Variants in ASTN2 observed in about 807,000 individuals in gnomAD.
ASTN2 encodes astrotactin-2.
ASTN2 carries 54 observed loss-of-function variants against 139.8 expected under a neutral mutation model. The observed-to-expected ratio is 0.39, with a 90% CI of 0.31 to 0.48. The LOEUF (loss-of-function observed/expected upper bound fraction) is 0.48, where lower values mean the gene tolerates loss of function less well. Among genes scored for constraint, ASTN2 ranks in the 20% least tolerant of loss-of-function variants. ASTN2 has a pLI of 0.95. For synonymous variants in ASTN2, 756 were observed against 719.5 expected, an observed-to-expected ratio of 1.05 and a Z score of -0.81; for missense variants, 1,565 against 1,725.1, an observed-to-expected ratio of 0.91 and a Z score of 1.64.
chr9:116,697,322 C>T (rs1330969954), intron 16 of ASTN2: 6 of 223,134 alleles, frequency 2.7e-5, no homozygotes, highest in Non-Finnish European at 5.5e-5. Flanking sequence ...TGTTACTTAG[C>T]CCTTATAATA....
At chr9:117,411,282 G>A (rs1315345020) in intron 1 of ASTN2, among the ~76,000 whole-genome samples, 1 of 152,048 alleles carries the variant, frequency 6.6e-6, no homozygotes, top group Non-Finnish European at 1.5e-5. Flanking sequence ...ATCACTTTCA[G>A]GGAGATTCAC....
chr9:117,003,953 C>CGCGTGT (rs1218309835), intron 7 of ASTN2, among the ~76,000 whole-genome samples: 2 of 146,288 alleles, frequency 1.4e-5, no homozygotes, highest in African/African-American at 5.2e-5. Flanking sequence ...CGCGCGCGCG[C>CGCGTGT]GTGTGTGTGT....
At chr9:117,238,261 T>C (rs1442407421) in intron 2 of ASTN2, among the ~76,000 whole-genome samples, 1 of 152,124 alleles carries the variant, frequency 6.6e-6, no homozygotes, top group Admixed American at 6.5e-5. Context: ...GCCATGGGTG[T>C]CTACAGCCAC....
chr9:117,210,326 A>G (rs1488092111), intron 3 of ASTN2, among the ~76,000 whole-genome samples: 1 of 152,122 alleles, frequency 6.6e-6, no homozygotes, highest in African/African-American at 2.4e-5. Context: ...AGGAGAGAAC[A>G]CTCACATAAA....
intron 13 of ASTN2, among the ~76,000 whole-genome samples, chr9:116,769,941 G>T (rs993462474): frequency 1.4e-4 from 22 of 151,910 alleles, no homozygotes; most frequent in Admixed American, 9.2e-4. Context: ...AGCTACTTGG[G>T]AGGCTGAAGA....
At chr9:116,488,638 C>G (rs1849413962) in intron 19 of ASTN2, among the ~76,000 whole-genome samples, 2 of 152,028 alleles carry the variant, frequency 1.3e-5, no homozygotes, top group African/African-American at 2.4e-5. Flanking sequence ...ATATTTATGA[C>G]ATAATGTGAA....
intron 6 of ASTN2, among the ~76,000 whole-genome samples, chr9:117,023,689 CAATG>C (rs1837963018): frequency 6.6e-6 from 1 of 151,992 alleles, no homozygotes; most frequent in Non-Finnish European, 1.5e-5. Context: ...AATATTTGTT[CAATG>C]AATGAATAAA....
intron 2 of ASTN2, among the ~76,000 whole-genome samples, chr9:117,224,317 C>T (rs763283177): frequency 1.8e-4 from 28 of 152,114 alleles, no homozygotes; most frequent in Non-Finnish European, 2.6e-4. Flanking sequence ...GGATTAAATG[C>T]GATTGCAGTG....
chr9:116,427,234 C>T (rs1435126956), intron 22 of ASTN2, among the ~76,000 whole-genome samples: 3 of 152,130 alleles, frequency 2.0e-5, no homozygotes, highest in Non-Finnish European at 2.9e-5. Context: ...ACCCTTGCCC[C>T]GGTCGTGAAG....
intron 17 of ASTN2, among the ~76,000 whole-genome samples, chr9:116,643,159 A>T (rs1316234295): frequency 6.6e-6 from 1 of 152,194 alleles, no homozygotes; most frequent in African/African-American, 2.4e-5. Flanking sequence ...ATATAAATAC[A>T]CATGAAGCAC....
intron 7 of ASTN2, among the ~76,000 whole-genome samples, chr9:116,999,156 A>G (rs1038566942): frequency 6.6e-6 from 1 of 152,238 alleles, no homozygotes; most frequent in African/African-American, 2.4e-5. Flanking sequence ...TATAAATGCC[A>G]TTTACAAATT....
chr9:116,716,325 A>G (rs993784218), intron 16 of ASTN2, among the ~76,000 whole-genome samples: 8 of 152,180 alleles, frequency 5.3e-5, no homozygotes, highest in Non-Finnish European at 8.8e-5. Context: ...CAGTCTGCCA[A>G]TCAAAGACTC....
rs73655516 is a variant in ASTN2, at chr9:116,893,860, C to T, written c.1890-30127G>A. On this transcript the variant is annotated intron_variant, in intron 10 of 22. Transcript: ENST00000313400. ...GTTAACTCCTGCTGATTTAGGGATACCAAGAGAGATCAGCCTTTGAAGCTT... is the reference window on the plus strand; with the variant it reads ...GTTAACTCCTGCTGATTTAGGGATATCAAGAGAGATCAGCCTTTGAAGCTT... 2.4e-3 allele frequency among the ~76,000 whole-genome samples: 364 copies of T among 152,300 alleles called. 2 individuals carry two copies. Among genetic ancestry groups the T allele is most frequent in the African/African-American group, 8.3e-3 (344 of 41,560 alleles).
intron 13 of ASTN2, among the ~76,000 whole-genome samples, chr9:116,736,834 C>T (rs1391863311): frequency 6.6e-6 from 1 of 152,126 alleles, no homozygotes; most frequent in African/African-American, 2.4e-5. Context: ...GAAGGTAATG[C>T]CACCTTCTCT....
chr9:117,282,994 T>C (rs1466556627), intron 2 of ASTN2, among the ~76,000 whole-genome samples: 3 of 152,078 alleles, frequency 2.0e-5, no homozygotes, highest in African/African-American at 7.2e-5. Flanking sequence ...TTTTTTTTTT[T>C]TTTGGAAACT....
chr9:116,936,307 T>C (rs1835084193), intron 10 of ASTN2, among the ~76,000 whole-genome samples: 1 of 138,556 alleles, frequency 7.2e-6, no homozygotes, highest in South Asian at 2.4e-4. Flanking sequence ...CCACCAACAT[T>C]CCAACCATCA....
At chr9:117,119,382 G>C (rs1053778209) in intron 4 of ASTN2, among the ~76,000 whole-genome samples, 1 of 152,178 alleles carries the variant, frequency 6.6e-6, no homozygotes, top group African/African-American at 2.4e-5. Flanking sequence ...CAGGTTCAAG[G>C]AGTGGGAATG....
chr9:116,808,729 T>G (rs1278878135), intron 12 of ASTN2, among the ~76,000 whole-genome samples: 1 of 152,210 alleles, frequency 6.6e-6, no homozygotes, highest in East Asian at 1.9e-4. Flanking sequence ...TTTAAAATTT[T>G]GATAGATCTA....
chr9:117,115,962 T>A (rs1829376935), intron 4 of ASTN2, among the ~76,000 whole-genome samples: 1 of 150,914 alleles, frequency 6.6e-6, no homozygotes. Flanking sequence ...AAGGCGGAGC[T>A]TGCAGTGAGC....
Sources: gnomAD v4.1 joint callset for allele counts (sites outside exome capture counted in the v4.1 genomes callset) on GRCh38, gnomAD v4.1.1 for gene constraint, MANE v1.5 for transcripts, NCBI Gene and HGNC (gene_info 2026-07-23, HGNC 2026-07-21) for gene names.